The following PTPRT variants were observed in gnomAD, a reference collection of about 807,000 sequenced individuals.
PTPRT encodes the protein receptor-type tyrosine-protein phosphatase T.
A neutral mutation model predicts 176.8 loss-of-function variants in PTPRT; 56 were observed. The ratio of observed to expected loss-of-function variants is 0.32; its 90% confidence interval spans 0.26 to 0.40. The LOEUF is 0.40. Ranked by LOEUF, PTPRT falls within the 10% of genes least tolerant of loss-of-function variation. PTPRT has a pLI of 1.00. For synonymous variants in PTPRT, 783 were observed against 739.0 expected, an observed-to-expected ratio of 1.06 and a Z score of -0.96; for missense variants, 1,540 against 1,908.2, an observed-to-expected ratio of 0.81 and a Z score of 3.60.
In PTPRT at chr20:42,905,907, G is replaced by A. The variant is rs1438205679; in HGVS notation, c.89-19975C>T. Among the ~76,000 whole-genome samples, 3 of 150,272 alleles carry A rather than the reference G, an allele frequency of 2.0e-5. No individual in the cohort carries two copies. The East Asian group carries it at 5.9e-4, about 29-fold the overall frequency. On this transcript the variant is annotated intron_variant, in intron 1 of 30. Coordinates refer to ENST00000373187, the MANE Select transcript of PTPRT (RefSeq NM_007050.6). ...ACAGAGCAGGGAACATCACACACTG[G>A]GGCCTGTCGGGGGGTAGGGGGCTGG...
intron 1 of PTPRT, among the ~76,000 whole-genome samples, chr20:42,898,161 T>C (rs2079336669): frequency 6.6e-6 from 1 of 152,142 alleles, no homozygotes; most frequent in Non-Finnish European, 1.5e-5. Context: ...GGGCCAGCAT[T>C]TCTCCATGTG....
At position 42,282,529 on chromosome 20, in the gene PTPRT, T is replaced by G; in HGVS notation, c.2140-4A>C. Reference sequence around the variant, plus strand: ...GAACACAGTTGATTTTGGTCTCCTGTGAACAACAAAAATGAGATGCCAATT... The same window carrying G: ...GAACACAGTTGATTTTGGTCTCCTGGGAACAACAAAAATGAGATGCCAATT... On this transcript the variant is annotated splice_polypyrimidine_tract_variant and splice_region_variant and intron_variant, in intron 12 of 30. Coordinates refer to ENST00000373187, the MANE Select transcript of PTPRT (RefSeq NM_007050.6). 6.2e-7 allele frequency: 1 copy of G among 1,607,152 alleles called. No individual in the cohort carries two copies. Among genetic ancestry groups the G allele is most frequent in the African/African-American group, 1.3e-5 (1 of 74,844 alleles).
At chr20:43,182,864 AC>A (rs1299767569) in intron 1 of PTPRT, among the ~76,000 whole-genome samples, 2 of 152,212 alleles carry the variant, frequency 1.3e-5, no homozygotes, top group Admixed American at 6.5e-5. Context: ...AAAACAAAAA[AC>A]GTTGCATCTG....
intron 16 of PTPRT, among the ~76,000 whole-genome samples, chr20:42,167,464 T>C (rs561745084): frequency 2.9e-4 from 44 of 152,338 alleles, no homozygotes; most frequent in Non-Finnish European, 4.3e-4. Flanking sequence ...AGCAAAAGTC[T>C]TCAGGGAGTC....
intron 3 of PTPRT, among the ~76,000 whole-genome samples, chr20:42,781,546 C>T (rs955001777): frequency 1.3e-5 from 2 of 152,128 alleles, no homozygotes; most frequent in Admixed American, 1.3e-4. Context: ...CCTATATCTC[C>T]AAACCCTCCC....
chr20:42,351,963 G>T, intron 10 of PTPRT, 121 bp downstream of exon 10: 1 of 872,580 alleles, frequency 1.1e-6, no homozygotes, highest in Non-Finnish European at 1.8e-6. Context: ...ACTAGGGACT[G>T]GATCGTCCTA....
chr20:42,577,511 C>G (rs981539394), intron 7 of PTPRT, among the ~76,000 whole-genome samples: 2 of 152,170 alleles, frequency 1.3e-5, no homozygotes, highest in Non-Finnish European at 2.9e-5. Flanking sequence ...CTGGATGCAA[C>G]AGAGTAAATA....
At chr20:42,510,707 C>T (rs916080510) in intron 7 of PTPRT, among the ~76,000 whole-genome samples, 2 of 152,138 alleles carry the variant, frequency 1.3e-5, no homozygotes, top group Admixed American at 1.3e-4. Context: ...CTGGAAGTAA[C>T]AGAACCGTGG....
chr20:42,903,997 G>A (rs914286641), intron 1 of PTPRT, among the ~76,000 whole-genome samples: 9 of 152,182 alleles, frequency 5.9e-5, no homozygotes, highest in African/African-American at 2.2e-4. Context: ...ACAGGAAGTG[G>A]TCTTTGATGA....
intron 7 of PTPRT, among the ~76,000 whole-genome samples, chr20:42,675,068 A>G (rs2075477669): frequency 1.3e-5 from 2 of 152,096 alleles, no homozygotes; most frequent in Admixed American, 1.3e-4. Context: ...TCCAACCCCT[A>G]CCTGGCCCGT....
chr20:42,838,267 C>T (rs1243580509), intron 2 of PTPRT, among the ~76,000 whole-genome samples: 1 of 152,230 alleles, frequency 6.6e-6, no homozygotes, highest in African/African-American at 2.4e-5. Context: ...ATCCATCCGC[C>T]TCAGCCTCCC....
chr20:42,841,142 C>T (rs2078270775), intron 2 of PTPRT, among the ~76,000 whole-genome samples: 1 of 152,184 alleles, frequency 6.6e-6, no homozygotes, highest in African/African-American at 2.4e-5. Context: ...ATATCCCACC[C>T]CATCCAGCTG....
In PTPRT at chr20:42,390,445, C is replaced by T. The variant is rs140189927; in HGVS notation, c.1561-38160G>A. ...GTAAATGCCAGCTTCCATTAACCAA[C>T]GTAAATGTCAGTGGTAGTCAGCTCC... On this transcript the variant is annotated intron_variant, in intron 9 of 30. Transcript: ENST00000373187. Among the ~76,000 whole-genome samples the T allele has an allele frequency of 7.2e-5, 11 of 152,302 alleles. No homozygotes were observed. The South Asian group carries it at 1.9e-3, about 26-fold the overall frequency.
At chr20:42,742,548 A>G (rs1286995475) in intron 6 of PTPRT, among the ~76,000 whole-genome samples, 1 of 152,166 alleles carries the variant, frequency 6.6e-6, no homozygotes, top group Non-Finnish European at 1.5e-5. Context: ...CAGGAGGGGA[A>G]AAAGAGAGGG....
At chr20:42,800,974 C>A (rs979891652) in intron 2 of PTPRT, among the ~76,000 whole-genome samples, 1 of 152,120 alleles carries the variant, frequency 6.6e-6, no homozygotes, top group African/African-American at 2.4e-5. Flanking sequence ...CAGTGAGTGG[C>A]AAGGTCGACA....
At chr20:42,033,172 C>T in the PTPRT span, among the ~76,000 whole-genome samples, 1 of 152,098 alleles carries the variant, frequency 6.6e-6, no homozygotes, top group Non-Finnish European at 1.5e-5. Flanking sequence ...AATCACTCTG[C>T]AGACATTTTG....
intron 24 of PTPRT, among the ~76,000 whole-genome samples, chr20:42,106,424 C>T (rs1986448714): frequency 6.6e-6 from 1 of 152,224 alleles, no homozygotes; most frequent in South Asian, 2.1e-4. Flanking sequence ...GTAGTGGTCA[C>T]TGAATAAATG....
chr20:42,129,314 T>C (rs752571434), intron 18 of PTPRT, among the ~76,000 whole-genome samples: 1 of 152,248 alleles, frequency 6.6e-6, no homozygotes, highest in Non-Finnish European at 1.5e-5. Flanking sequence ...GTCAGCCATA[T>C]ATTGTTATCA....
intron 1 of PTPRT, among the ~76,000 whole-genome samples, chr20:42,935,504 A>T (rs1438955272): frequency 6.6e-6 from 1 of 152,008 alleles, no homozygotes; most frequent in Non-Finnish European, 1.5e-5. Context: ...AAGGGATTAC[A>T]CAAAGGAACG....
Sources: allele counts gnomAD v4.1 joint callset (sites outside exome capture counted in the v4.1 genomes callset), GRCh38; gene constraint gnomAD v4.1.1; transcripts MANE v1.5; gene names NCBI Gene and HGNC (gene_info 2026-07-23, HGNC 2026-07-21).